The following DMXL2 variants were observed in gnomAD, a reference collection of about 807,000 sequenced individuals.
The protein encoded by DMXL2 is dmX-like protein 2.
A neutral mutation model predicts 331.1 loss-of-function variants in DMXL2; 103 were observed. That is an observed-to-expected ratio of 0.31 (90% CI 0.27 to 0.37). The LOEUF (loss-of-function observed/expected upper bound fraction) is 0.37, where lower values mean the gene tolerates loss of function less well. DMXL2 is among the 10% of genes least tolerant of loss of function. The probability of loss-of-function intolerance (pLI) is 1.00; values close to 1 mark genes in which losing one functional copy is unlikely to be tolerated. For missense variants in DMXL2, 3,171 were observed against 3,642.9 expected, an observed-to-expected ratio of 0.87 and a Z score of 3.33; for synonymous variants, 1,281 against 1,252.1, an observed-to-expected ratio of 1.02 and a Z score of -0.49.
chr15:51,506,328 G>A (rs1254576097), intron 16 of DMXL2, among the ~76,000 whole-genome samples: 1 of 152,048 alleles, frequency 6.6e-6, no homozygotes, highest in Non-Finnish European at 1.5e-5. Flanking sequence ...CTCCCAAAGT[G>A]CTGGGATTAT....
rs548929430 is a variant in DMXL2, at chr15:51,596,162, A to C, written c.88-19981T>G. Among the ~76,000 whole-genome samples, 1,012 of 152,334 alleles carry C rather than the reference A, an allele frequency of 6.6e-3. 8 individuals carry two copies. The highest frequency in any genetic ancestry group is 0.023 in the African/African-American group (974 of 41,566). On this transcript the variant is annotated intron_variant, in intron 1 of 43. Coordinates refer to ENST00000560891, the MANE Select transcript of DMXL2 (RefSeq NM_001378457.1). ...TACAGAATGGGAGAAAATTTTCGCA[A>C]ACTACTCATCTGACAAAGGGCTAAT...
chr15:51,536,604 C>T lies in DMXL2; in HGVS notation c.1876G>A (p.Val626Ile). ...HIDGSLNQWAVTFADKSAFTT... is the reference protein window; with the variant it reads ...HIDGSLNQWAITFADKSAFTT... ...AAGGCAGACTTATCAGCAAAAGTGA[C>T]TGCCCACTGATTTAAAGAACCATCT... is the stretch of plus-strand genomic sequence containing the variant. Residue 626 changes from valine (V) to isoleucine (I), a missense_variant, in exon 12 of 44, where the codon GTC (valine) becomes ATC (isoleucine). Transcript: ENST00000560891. The T allele has an allele frequency of 1.9e-6, 3 of 1,614,076 alleles. No individual in the cohort carries two copies. In the South Asian group the frequency reaches 3.3e-5, roughly 18 times the overall value.
chr15:51,536,585 G>C lies in DMXL2; in HGVS notation c.1895C>G (p.Ser632Cys), dbSNP rs147376349. The change falls in exon 12 of 44, where the codon TCT becomes TGT. Residue 632 changes from serine to cysteine, a missense_variant. Around this residue, in one of 7 missense-constraint regions of DMXL2, gnomAD observed 1,674 missense variants for 1,780.2 expected, o/e 0.94. Transcript: ENST00000560891. ...TACAGTTAGAACAGTGGTAAAGGCA[G>C]ACTTATCAGCAAAAGTGACTGCCCA... The part of the protein sequence containing the change: ...NQWAVTFADK[S>C]AFTTVLTVSH... The C allele has an allele frequency of 6.2e-7, 1 of 1,614,026 alleles. No homozygotes were observed.
chr15:51,546,303 T>C (rs967440562), intron 7 of DMXL2, among the ~76,000 whole-genome samples: 34 of 152,222 alleles, frequency 2.2e-4, no homozygotes, highest in African/African-American at 8.2e-4. Context: ...ACCTGTTTGT[T>C]ACAAAGGAAC....
intron 1 of DMXL2, among the ~76,000 whole-genome samples, chr15:51,594,310 T>C (rs2052623180): frequency 6.6e-6 from 1 of 151,742 alleles, no homozygotes; most frequent in African/African-American, 2.4e-5. Flanking sequence ...AACTAGAAAA[T>C]CTAGAAGAAA....
intron 17 of DMXL2, 139 bp downstream of exon 17, chr15:51,502,665 CAT>C (rs1424869422): frequency 3.1e-6 from 2 of 652,106 alleles, no homozygotes; most frequent in Admixed American, 5.8e-5. Flanking sequence ...ACCATCTAGA[CAT>C]ATCATTAATA....
At chr15:51,582,151 A>T (rs1003414302) in intron 1 of DMXL2, among the ~76,000 whole-genome samples, 1 of 152,108 alleles carries the variant, frequency 6.6e-6, no homozygotes, top group African/African-American at 2.4e-5. Context: ...TACTATTTTC[A>T]TTCTATATTC....
rs369434014 is a variant in DMXL2, at chr15:51,465,599, T to C, written c.7573A>G (p.Asn2525Asp). 1 of 1,607,922 alleles carries C rather than the reference T, an allele frequency of 6.2e-7. No individual in the cohort carries two copies. The highest frequency in any genetic ancestry group is 8.5e-7 in the Non-Finnish European group (1 of 1,178,052). ...TCCAGTCCAGCAATAGGAAAGAAAT[T>C]CTTGACATTGTGAAGTGCTAGTTTA... ...MVKLALHNVK[N>D]FFPIAGLEFS... Residue 2525 changes from asparagine to aspartate, a missense_variant, in exon 31 of 44, where the codon AAT becomes GAT. This residue lies in a region of DMXL2 where 766 missense variants were observed against 940.5 expected (regional missense o/e 0.81). Transcript: ENST00000560891.
intron 13 of DMXL2, among the ~76,000 whole-genome samples, chr15:51,529,683 A>G (rs907662381): frequency 1.3e-5 from 2 of 152,156 alleles, no homozygotes; most frequent in African/African-American, 4.8e-5. Context: ...AACATATAAA[A>G]AGGAACGAAT....
chr15:51,534,601 G>C (rs1341976002), intron 13 of DMXL2, among the ~76,000 whole-genome samples: 1 of 152,152 alleles, frequency 6.6e-6, no homozygotes, highest in African/African-American at 2.4e-5. Flanking sequence ...GTGAGACCAG[G>C]TGACCTTTAA....
chr15:51,552,113 T>G (rs1299888740), intron 6 of DMXL2, among the ~76,000 whole-genome samples: 2 of 152,174 alleles, frequency 1.3e-5, no homozygotes, highest in Non-Finnish European at 2.9e-5. Flanking sequence ...ATTCAAGGCC[T>G]TGAAAGGACA....
intron 14 of DMXL2, among the ~76,000 whole-genome samples, chr15:51,515,059 A>G (rs1212551630): frequency 3.9e-5 from 6 of 152,164 alleles, no homozygotes; most frequent in Non-Finnish European, 7.4e-5. Context: ...AGCTCTGTCT[A>G]GTGGGAATTA....
chr15:51,526,159 A>G, intron 13 of DMXL2, among the ~76,000 whole-genome samples: 1 of 102,504 alleles, frequency 9.8e-6, no homozygotes, highest in Non-Finnish European at 1.8e-5. Flanking sequence ...GGGGTGGGAG[A>G]GAGAGAGAAA....
intron 33 of DMXL2, 43 bp from the exon 34 acceptor site, chr15:51,459,703 G>C: frequency 7.8e-7 from 1 of 1,287,024 alleles, no homozygotes. Context: ...CACATGCATG[G>C]AATGAAATTA....
intron 1 of DMXL2, among the ~76,000 whole-genome samples, chr15:51,618,678 A>G (rs1902596): frequency 0.84 from 127,776 of 152,168 alleles, 54,299 homozygotes; most frequent in East Asian, 1. Flanking sequence ...AAGTCCTGTG[A>G]TTAAAAAGTA....
intron 2 of DMXL2, among the ~76,000 whole-genome samples, chr15:51,572,479 C>T (rs922497766): frequency 1.3e-4 from 20 of 151,976 alleles, no homozygotes; most frequent in African/African-American, 4.6e-4. Flanking sequence ...AGAGACACAA[C>T]CAAAAAAGAA....
chr15:51,574,071 A>G (rs922278152), intron 2 of DMXL2, among the ~76,000 whole-genome samples: 1 of 152,114 alleles, frequency 6.6e-6, no homozygotes, highest in Non-Finnish European at 1.5e-5. Flanking sequence ...GAAAATACCA[A>G]TTGGGACACC....
intron 1 of DMXL2, among the ~76,000 whole-genome samples, chr15:51,601,021 G>A (rs2053187400): frequency 6.6e-6 from 1 of 152,052 alleles, no homozygotes; most frequent in Admixed American, 6.6e-5. Flanking sequence ...GCCAGGCATG[G>A]TGGCTTATGC....
intron 9 of DMXL2, among the ~76,000 whole-genome samples, chr15:51,540,397 T>C (rs986711720): frequency 6.6e-6 from 1 of 152,212 alleles, no homozygotes; most frequent in Non-Finnish European, 1.5e-5. Context: ...CATTCTTAAA[T>C]ATTTAGGTAA....
Sources: gnomAD v4.1 joint callset for allele counts (sites outside exome capture counted in the v4.1 genomes callset) on GRCh38, gnomAD v4.1.1 for gene constraint, gnomAD v4.1.1 regional missense constraint, MANE v1.5 for transcripts, NCBI Gene and HGNC (gene_info 2026-07-23, HGNC 2026-07-21) for gene names.